The following TUT7 variants were observed in gnomAD, a reference collection of about 807,000 sequenced individuals.
The protein encoded by TUT7 is terminal uridylyltransferase 7.
A neutral mutation model predicts 165.9 loss-of-function variants in TUT7; 33 were observed. The ratio of observed to expected loss-of-function variants is 0.20; its 90% CI spans 0.15 to 0.27. The LOEUF (loss-of-function observed/expected upper bound fraction) is 0.27. Among genes scored for constraint, TUT7 ranks in the 10% least tolerant of loss-of-function variants. The probability of loss-of-function intolerance (pLI) is 1.00; values close to 1 mark genes in which losing one functional copy is unlikely to be tolerated. For missense variants in TUT7, 1,338 were observed against 1,762.3 expected, an observed-to-expected ratio of 0.76 and a Z score of 4.31; for synonymous variants, 552 against 608.1, an observed-to-expected ratio of 0.91 and a Z score of 1.36.
chr9:86,347,021 C>A (rs1334295237), intron 2 of TUT7, among the ~76,000 whole-genome samples: 1 of 152,102 alleles, frequency 6.6e-6, no homozygotes, highest in Non-Finnish European at 1.5e-5. Context: ...AGTGAAAAAT[C>A]ATCATTTAGT....
At chr9:86,292,807 A>G (rs1183633815) in intron 26 of TUT7, among the ~76,000 whole-genome samples, 1 of 152,008 alleles carries the variant, frequency 6.6e-6, no homozygotes, top group Non-Finnish European at 1.5e-5. Flanking sequence ...AACAATGCCA[A>G]TTCTCTAGAA....
At chr9:86,328,600 A>C in intron 10 of TUT7, 108 bp from the exon 11 acceptor site, 1 of 881,780 alleles carries the variant, frequency 1.1e-6, no homozygotes, top group Non-Finnish European at 1.6e-6. Context: ...GAAAATACAA[A>C]AGATATAATT....
At chr9:86,342,013 GAC>G (rs1188146707) in intron 6 of TUT7, among the ~76,000 whole-genome samples, 8 of 152,144 alleles carry the variant, frequency 5.3e-5, no homozygotes, top group African/African-American at 1.7e-4. Flanking sequence ...ATGAATTAAT[GAC>G]ACCGGATCAA....
Position 86,308,624 on chromosome 9 carries a change from C to A in TUT7, c.3661-18G>T. On this transcript the variant is annotated intron_variant, in intron 21 of 26. Transcript: ENST00000375963. ...TAGGTAGGCTAGAAATAGAAGGGAA[C>A]AAGGGATACCATGGTCTTTAGTGAA... 6.3e-7 allele frequency: 1 copy of A among 1,587,954 alleles called. No homozygotes were observed. Among genetic ancestry groups the A allele is most frequent in the South Asian group, 1.1e-5 (1 of 87,528 alleles).
At chr9:86,335,785 C>T (rs1830712168) in intron 10 of TUT7, among the ~76,000 whole-genome samples, 1 of 152,176 alleles carries the variant, frequency 6.6e-6, no homozygotes, top group African/African-American at 2.4e-5. Context: ...ATGCTGAACA[C>T]CGCAGGATCA....
chr9:86,346,627 A>G, intron 2 of TUT7, 147 bp from the exon 3 acceptor site: 1 of 762,068 alleles, frequency 1.3e-6, no homozygotes, highest in Non-Finnish European at 2.1e-6. Context: ...CCTATGGACA[A>G]AATGCTTTAA....
Position 86,317,240 on chromosome 9 carries a change from T to C in TUT7, c.3253A>G (p.Arg1085Gly). The change falls in exon 17 of 27, where the codon AGA becomes GGA. Residue 1085 changes from arginine to glycine, a missense_variant. Around this residue, in one of 7 missense-constraint regions of TUT7, gnomAD observed 157 missense variants for 357.5 expected, o/e 0.44. Transcript: ENST00000375963. ...DCVRTIEELA[R>G]VLRKHSGLRN... ...GTACCTGAATGTTTTCTGAGGACTC[T>C]TGCTAATTCTTCAATAGTTCTGACA... 1.9e-6 allele frequency: 3 copies of C among 1,613,904 alleles called. No homozygotes were observed. The highest frequency in any genetic ancestry group is 4.5e-5 in the East Asian group (2 of 44,854).
rs1450686247 is a variant in TUT7 at position 86,301,525 on chromosome 9, C to A, written c.4171G>T (p.Asp1391Tyr). 1.2e-6 allele frequency: 2 copies of A among 1,613,738 alleles called. No homozygotes were observed. The highest frequency in any genetic ancestry group is 1.7e-6 in the Non-Finnish European group (2 of 1,180,010). The stretch of plus-strand genomic sequence containing the variant: ...GTGTACTTGTTGTGAATTTCTTTGT[C>A]CTCTTTGCTTCTTTTTTCCTTGTTC... ...PENKEKRSKE[D>Y]KEIHNKYTER... Residue 1391 changes from aspartate to tyrosine, a missense_variant, in exon 26 of 27, where the codon GAC (aspartate) becomes TAC (tyrosine). Coordinates refer to ENST00000375963, the MANE Select transcript of TUT7 (RefSeq NM_024617.4).
chr9:86,310,940 T>C, intron 17 of TUT7, 131 bp from the exon 18 acceptor site: 1 of 594,766 alleles, frequency 1.7e-6, no homozygotes, highest in Non-Finnish European at 3.0e-6. Flanking sequence ...TTAGGACTTG[T>C]CAAAGAATTC....
chr9:86,343,317 T>C (rs791322), intron 5 of TUT7, among the ~76,000 whole-genome samples, 154 bp from the exon 6 acceptor site: 37,571 of 151,918 alleles, frequency 0.25, 6,254 homozygotes, highest in Non-Finnish European at 0.35. Context: ...AGGACAGAAA[T>C]AGGTGGCTCT....
At chr9:86,329,738 T>A (rs1047532827) in intron 10 of TUT7, among the ~76,000 whole-genome samples, 3 of 152,130 alleles carry the variant, frequency 2.0e-5, no homozygotes, top group African/African-American at 4.8e-5. Flanking sequence ...GTGCAGTCCT[T>A]TCCAGGGCCT....
At position 86,305,082 on chromosome 9, in the gene TUT7, G is replaced by A. The variant is rs1296231522; in HGVS notation, c.3886+110C>T. The stretch of plus-strand genomic sequence containing the variant: ...AGGCTGGGGTAGGTGGATCACTTGA[G>A]CCCAGGAGTTTGAGACCAGCCTGGG... On this transcript the variant is annotated intron_variant, in intron 23 of 26. Transcript: ENST00000375963. The A allele has an allele frequency of 2.4e-6, 3 of 1,236,886 alleles. No homozygotes were observed. In the Admixed American group the frequency reaches 7.1e-5, roughly 29 times the overall value. The allele number at this position is 1,236,886 out of a possible 1,614,324, so 76.6% of individuals were successfully genotyped here.
In TUT7 at chr9:86,297,558, CG is replaced by C. The variant is rs576918527; in HGVS notation, c.4420+3717del. On this transcript the variant is annotated intron_variant, in intron 26 of 26. Transcript: ENST00000375963. ...GGCTGAAGCTTATGGCCAGGTGTGG[CG>C]GCTCATATCTATCATTTTAGTATTT... 1.5e-3 allele frequency among the ~76,000 whole-genome samples: 232 copies of C among 152,096 alleles called. 2 individuals carry two copies. The South Asian group carries it at 0.03, about 19-fold the overall frequency.
At chr9:86,313,126 TAATAAATAAATAAATA>T (rs111966143) in intron 17 of TUT7, among the ~76,000 whole-genome samples, 110 of 142,606 alleles carry the variant, frequency 7.7e-4, no homozygotes, top group African/African-American at 2.4e-3. Context: ...GAATGATCAA[TAATAAATAAATAAATA>T]AATAAATAAA....
chr9:86,349,867 AT>A (rs747353017), intron 2 of TUT7, among the ~76,000 whole-genome samples: 18 of 152,334 alleles, frequency 1.2e-4, no homozygotes, highest in East Asian at 5.8e-4. Context: ...ATTACCTCCA[AT>A]AAAAAAATAG....
chr9:86,293,781 G>C (rs1325547423), intron 26 of TUT7, among the ~76,000 whole-genome samples: 1 of 152,192 alleles, frequency 6.6e-6, no homozygotes, highest in African/African-American at 2.4e-5. Flanking sequence ...ATGTGTTCCT[G>C]AGCCTACCTG....
intron 26 of TUT7, among the ~76,000 whole-genome samples, chr9:86,300,711 C>T (rs960015857): frequency 2.6e-5 from 4 of 152,162 alleles, no homozygotes; most frequent in African/African-American, 9.7e-5. Context: ...ATATTTTCTT[C>T]GTCATAAGAA....
At chr9:86,294,618 T>G (rs1264555929) in intron 26 of TUT7, among the ~76,000 whole-genome samples, 1 of 151,942 alleles carries the variant, frequency 6.6e-6, no homozygotes. Flanking sequence ...AAGGAACAGT[T>G]TCATTCACGC....
intron 6 of TUT7, 69 bp downstream of exon 6, chr9:86,343,006 A>G: frequency 2.0e-6 from 2 of 1,010,816 alleles, no homozygotes; most frequent in South Asian, 1.4e-5. Context: ...ATATTCATAG[A>G]CAGTTTACAT....
Sources: gnomAD v4.1 joint callset for allele counts (sites outside exome capture counted in the v4.1 genomes callset) on GRCh38, gnomAD v4.1.1 for gene constraint, gnomAD v4.1.1 regional missense constraint, MANE v1.5 for transcripts, NCBI Gene and HGNC (gene_info 2026-07-23, HGNC 2026-07-21) for gene names.